The following WDR7 variants were observed in gnomAD, a reference collection of about 807,000 sequenced individuals.
WDR7 encodes WD repeat-containing protein 7.
In WDR7, 46 loss-of-function variants were observed where a neutral mutation model predicts 169.4. The ratio of observed to expected loss-of-function variants is 0.27; its 90% CI spans 0.21 to 0.35. The LOEUF (loss-of-function observed/expected upper bound fraction) is 0.35, where lower values mean the gene tolerates loss of function less well. Among genes scored for constraint, WDR7 ranks in the 10% least tolerant of loss-of-function variants. The pLI is 1.00. For synonymous variants in WDR7, 612 were observed against 666.8 expected, an observed-to-expected ratio of 0.92 and a Z score of 1.27; for missense variants, 1,534 against 1,859.3, an observed-to-expected ratio of 0.83 and a Z score of 3.22.
chr18:56,739,594 C>G (rs377172049), intron 14 of WDR7, among the ~76,000 whole-genome samples: 1 of 152,118 alleles, frequency 6.6e-6, no homozygotes, highest in South Asian at 2.1e-4. Flanking sequence ...GAAAGAACTA[C>G]TCATTTCTTT....
chr18:56,964,562 AT>A (rs2047380945), intron 26 of WDR7, among the ~76,000 whole-genome samples: 1 of 151,784 alleles, frequency 6.6e-6, no homozygotes, highest in Admixed American at 6.6e-5. Flanking sequence ...ATTTTTTTGT[AT>A]TTTTAGTAGA....
At chr18:56,908,701 C>T (rs975996607) in intron 21 of WDR7, among the ~76,000 whole-genome samples, 2 of 152,162 alleles carry the variant, frequency 1.3e-5, no homozygotes, top group Non-Finnish European at 2.9e-5. Flanking sequence ...CCTCACAAGT[C>T]TGTTTTCAGA....
At chr18:56,987,005 A>G (rs930002737) in intron 26 of WDR7, among the ~76,000 whole-genome samples, 3 of 152,138 alleles carry the variant, frequency 2.0e-5, no homozygotes, top group Non-Finnish European at 2.9e-5. Context: ...TTGTTCTTCC[A>G]GAGCTGACCT....
At chr18:56,746,694 G>A (rs2043709774) in intron 14 of WDR7, among the ~76,000 whole-genome samples, 1 of 152,158 alleles carries the variant, frequency 6.6e-6, no homozygotes, top group African/African-American at 2.4e-5. Flanking sequence ...TGCTATCCTA[G>A]TACTTATTCT....
At position 56,730,339 on chromosome 18, in the gene WDR7, A is replaced by C. The variant is rs184091336; in HGVS notation, c.1775-1044A>C. 2.5e-3 allele frequency among the ~76,000 whole-genome samples: 375 copies of C among 152,358 alleles called. 2 individuals carry two copies. Among genetic ancestry groups the C allele is most frequent in the African/African-American group, 8.6e-3 (359 of 41,588 alleles). Reference sequence around the variant, plus strand: ...GATGGCCAGAGAATAACTCATTGAAAATGTAACATTAAGAGCTTGAAAGGT... The same window carrying C: ...GATGGCCAGAGAATAACTCATTGAACATGTAACATTAAGAGCTTGAAAGGT... On this transcript the variant is annotated intron_variant, in intron 13 of 27. Coordinates refer to ENST00000254442, the MANE Select transcript of WDR7 (RefSeq NM_015285.3).
chr18:56,947,811 G>T (rs993256798), intron 25 of WDR7, among the ~76,000 whole-genome samples: 1 of 152,234 alleles, frequency 6.6e-6, no homozygotes, highest in African/African-American at 2.4e-5. Flanking sequence ...ATCTGTATGT[G>T]TGATACGCAC....
In WDR7 at chr18:56,847,857, T is replaced by C. The variant is rs558394001; in HGVS notation, c.3304+31713T>C. ...GCAAGAGTCAAGGAGACTTGAAAGA[T>C]TCCCCCTAGATTTCAGAGGATGTAT... On this transcript the variant is annotated intron_variant, in intron 20 of 27. Coordinates refer to ENST00000254442, the MANE Select transcript of WDR7 (RefSeq NM_015285.3). 3.3e-5 allele frequency among the ~76,000 whole-genome samples: 5 copies of C among 152,340 alleles called. No homozygotes were observed. The South Asian group carries it at 1.0e-3, about 32-fold the overall frequency.
intron 20 of WDR7, chr18:56,874,052 C>A (rs1488918625): frequency 1.3e-5 from 2 of 152,150 alleles, no homozygotes; most frequent in African/African-American, 4.8e-5. Flanking sequence ...GGGAGGGGAG[C>A]TTGGTTTGCT....
At chr18:56,970,397 G>T (rs951860169) in intron 26 of WDR7, among the ~76,000 whole-genome samples, 6 of 151,576 alleles carry the variant, frequency 4.0e-5, no homozygotes, top group Non-Finnish European at 7.4e-5. Context: ...TTAATCTGTT[G>T]TCCTACTGAT....
At position 56,992,693 on chromosome 18, in the gene WDR7, T is replaced by A. The variant is rs549905184; in HGVS notation, c.4165-28052T>A. Reference sequence around the variant, plus strand: ...ATGATGTAATGCAAACCTAGTCAAATGAAGGTATGATGAACCAGACATTTT... The same window carrying A: ...ATGATGTAATGCAAACCTAGTCAAAAGAAGGTATGATGAACCAGACATTTT... On this transcript the variant is annotated intron_variant, in intron 26 of 27. Transcript: ENST00000254442. Among the ~76,000 whole-genome samples, 3 of 152,312 alleles carry A rather than the reference T, an allele frequency of 2.0e-5. No homozygotes were observed. The East Asian group carries it at 5.8e-4, about 29-fold the overall frequency.
Position 56,964,589 on chromosome 18 carries a change from T to A in WDR7, c.4164+2060T>A, listed in dbSNP as rs553021771. On this transcript the variant is annotated intron_variant, in intron 26 of 27. Coordinates refer to ENST00000254442, the MANE Select transcript of WDR7 (RefSeq NM_015285.3). Reference sequence around the variant, plus strand: ...TTTTAGTAGAGATGGGGTCTCATCATGTTGGCCAGGCTGATCTCAAATTTG... The same window carrying A: ...TTTTAGTAGAGATGGGGTCTCATCAAGTTGGCCAGGCTGATCTCAAATTTG... Among the ~76,000 whole-genome samples, 4 of 152,234 alleles carry A rather than the reference T, an allele frequency of 2.6e-5. No homozygotes were observed. In the South Asian group the frequency reaches 6.2e-4, roughly 24 times the overall value.
At chr18:56,707,006 G>C (rs1056181154) in intron 12 of WDR7, among the ~76,000 whole-genome samples, 1 of 147,814 alleles carries the variant, frequency 6.8e-6, no homozygotes, top group Non-Finnish European at 1.5e-5. Context: ...TTTTGAGAGA[G>C]AGTCTCACTC....
intron 12 of WDR7, among the ~76,000 whole-genome samples, chr18:56,703,607 T>G (rs1450399169): frequency 6.6e-6 from 1 of 152,102 alleles, no homozygotes; most frequent in Non-Finnish European, 1.5e-5. Flanking sequence ...TTTGAGAACA[T>G]TTTCATATAT....
chr18:56,889,195 G>A (rs2046234434), intron 21 of WDR7, among the ~76,000 whole-genome samples: 1 of 152,172 alleles, frequency 6.6e-6, no homozygotes, highest in Admixed American at 6.5e-5. Context: ...GAGGAGATGG[G>A]CAACCTTGCC....
intron 1 of WDR7, among the ~76,000 whole-genome samples, chr18:56,670,955 T>C (rs1328878568): frequency 1.3e-5 from 2 of 152,230 alleles, no homozygotes; most frequent in Non-Finnish European, 2.9e-5. Flanking sequence ...TTCTAACTTC[T>C]CTGAACTCCT....
chr18:56,770,279 T>C (rs1036773128), intron 16 of WDR7, among the ~76,000 whole-genome samples: 1 of 152,242 alleles, frequency 6.6e-6, no homozygotes, highest in Non-Finnish European at 1.5e-5. Flanking sequence ...GCAGACACTT[T>C]GTCTTATCTT....
chr18:56,662,470 A>G (rs1411394056), intron 1 of WDR7, among the ~76,000 whole-genome samples: 2 of 152,236 alleles, frequency 1.3e-5, no homozygotes, highest in African/African-American at 4.8e-5. Flanking sequence ...AAGGAAAAAC[A>G]AAAACAGTAG....
intron 26 of WDR7, among the ~76,000 whole-genome samples, chr18:56,978,325 C>T (rs959604263): frequency 6.6e-6 from 1 of 152,192 alleles, no homozygotes; most frequent in Non-Finnish European, 1.5e-5. Context: ...CTGTCAATGT[C>T]CCCCAATGTA....
intron 14 of WDR7, among the ~76,000 whole-genome samples, chr18:56,734,619 C>A (rs2026658158): frequency 6.6e-6 from 1 of 151,722 alleles, no homozygotes; most frequent in African/African-American, 2.4e-5. Context: ...TAATCTCACT[C>A]TTCCTCAGGA....
Sources: allele counts gnomAD v4.1 joint callset (sites outside exome capture counted in the v4.1 genomes callset), GRCh38; gene constraint gnomAD v4.1.1; transcripts MANE v1.5; gene names NCBI Gene and HGNC (gene_info 2026-07-23, HGNC 2026-07-21).